Variants in LSAMP observed in about 807,000 individuals in gnomAD.
LSAMP encodes limbic system-associated membrane protein.
Under a neutral mutation model 38.6 loss-of-function variants are expected in LSAMP, and 7 were observed. The observed-to-expected ratio is 0.18, with a 90% CI of 0.10 to 0.34. The LOEUF (loss-of-function observed/expected upper bound fraction) is 0.34. Among genes scored for constraint, LSAMP ranks in the 10% least tolerant of loss-of-function variants. The pLI, the probability that LSAMP is intolerant of heterozygous loss-of-function variation, is 1.00. For missense variants in LSAMP, 313 were observed against 420.0 expected, an observed-to-expected ratio of 0.75 and a Z score of 2.23; for synonymous variants, 154 against 166.8, an observed-to-expected ratio of 0.92 and a Z score of 0.59.
chr3:116,338,401 C>T (rs2047950043), intron 1 of LSAMP, among the ~76,000 whole-genome samples: 1 of 152,016 alleles, frequency 6.6e-6, no homozygotes, highest in Non-Finnish European at 1.5e-5. Context: ...TTATCCTCCC[C>T]AGCTGTTCCT....
chr3:116,197,130 G>GACACACACACACACACACACACAC (rs10650049), intron 1 of LSAMP, among the ~76,000 whole-genome samples: 154 of 136,764 alleles, frequency 1.1e-3, no homozygotes, highest in African/African-American at 4.1e-3. Flanking sequence ...ATCCCACTCG[G>GACACACACACACACACACACACAC]ACACACACAC....
chr3:115,978,735 G>T (rs1411472752), intron 3 of LSAMP, among the ~76,000 whole-genome samples: 1 of 151,948 alleles, frequency 6.6e-6, no homozygotes, highest in Non-Finnish European at 1.5e-5. Flanking sequence ...GATAAAATGG[G>T]GGAAAAAATA....
intron 3 of LSAMP, among the ~76,000 whole-genome samples, chr3:115,881,846 C>T (rs1208974772): frequency 1.3e-5 from 2 of 152,074 alleles, no homozygotes; most frequent in African/African-American, 4.8e-5. Flanking sequence ...ATACCCAGTC[C>T]AGATTCCCTT....
chr3:116,202,731 T>C (rs1339756387), intron 1 of LSAMP, among the ~76,000 whole-genome samples: 1 of 152,110 alleles, frequency 6.6e-6, no homozygotes, highest in African/African-American at 2.4e-5. Context: ...AGCACCCTTT[T>C]TTTGGCTCAT....
chr3:116,106,461 T>C (rs1708470402), intron 1 of LSAMP, among the ~76,000 whole-genome samples: 1 of 152,188 alleles, frequency 6.6e-6, no homozygotes, highest in African/African-American at 2.4e-5. Flanking sequence ...AAATGGGCTG[T>C]ACCTTGTAGC....
intron 3 of LSAMP, among the ~76,000 whole-genome samples, chr3:115,905,453 C>G (rs537914405): frequency 6.6e-6 from 1 of 152,166 alleles, no homozygotes; most frequent in East Asian, 1.9e-4. Context: ...AGAGAACTAT[C>G]ATTATAAGCC....
intron 1 of LSAMP, among the ~76,000 whole-genome samples, chr3:116,306,015 G>C (rs923293326): frequency 3.3e-5 from 5 of 150,562 alleles, no homozygotes; most frequent in Admixed American, 6.6e-5. Context: ...ACATTTCTAA[G>C]CTTCAATGTG....
intron 1 of LSAMP, among the ~76,000 whole-genome samples, chr3:116,428,582 G>GT (rs2049235926): frequency 6.6e-6 from 1 of 152,262 alleles, no homozygotes; most frequent in African/African-American, 2.4e-5. Flanking sequence ...ATACATTTAT[G>GT]TTTGAGATAT....
At chr3:116,423,222 G>GA (rs371227606) in intron 1 of LSAMP, among the ~76,000 whole-genome samples, 6 of 151,836 alleles carry the variant, frequency 4.0e-5, no homozygotes, top group Admixed American at 2.0e-4. Context: ...TTTAAGAGGG[G>GA]AAAAAAAACT....
Position 116,444,893 on chromosome 3 carries a change from C to T in LSAMP, c.139G>A (p.Asp47Asn), listed in dbSNP as rs781594328. Residue 47 changes from aspartate to asparagine, a missense_variant, in exon 1 of 7, where the codon GAC becomes AAC. Transcript: ENST00000490035. ...AAGCCCTACCTGAGGATGGCTGTGT[C>T]CCCCTGCCTCACGGTGATGTTGTCC... is the stretch of plus-strand genomic sequence containing the variant. Reference protein sequence around the residue: ...GTDNITVRQGDTAILRCVVED... With the variant: ...GTDNITVRQGNTAILRCVVED... 2 of 1,614,092 alleles carry T rather than the reference C, an allele frequency of 1.2e-6. No individual in the cohort carries two copies. The highest frequency in any genetic ancestry group is 2.2e-5 in the South Asian group (2 of 91,078).
intron 1 of LSAMP, among the ~76,000 whole-genome samples, chr3:116,120,325 C>T (rs1222895230): frequency 6.6e-6 from 1 of 152,002 alleles, no homozygotes; most frequent in Admixed American, 6.6e-5. Context: ...ACAAATATTA[C>T]ATAGTGCCAA....
chr3:115,904,399 A>G (rs1936957481), intron 3 of LSAMP, among the ~76,000 whole-genome samples: 1 of 152,162 alleles, frequency 6.6e-6, no homozygotes, highest in African/African-American at 2.4e-5. Flanking sequence ...GTGGATACAA[A>G]TCTTCCCACA....
At position 116,313,978 on chromosome 3, in the gene LSAMP, G is replaced by A. The variant is rs554036227; in HGVS notation, c.155+130899C>T. Among the ~76,000 whole-genome samples, 15 of 152,256 alleles carry A rather than the reference G, an allele frequency of 9.9e-5. No homozygotes were observed. In the South Asian group the frequency reaches 2.7e-3, roughly 27 times the overall value. The stretch of plus-strand genomic sequence containing the variant: ...CAAAAACAAAAAACAAAATTGGACT[G>A]TACGAAGTCTTGTGTGAAGCACTTT... On this transcript the variant is annotated intron_variant, in intron 1 of 6. Coordinates refer to ENST00000490035, the MANE Select transcript of LSAMP (RefSeq NM_002338.5).
At chr3:116,352,814 G>A (rs1337589458) in intron 1 of LSAMP, among the ~76,000 whole-genome samples, 3 of 151,726 alleles carry the variant, frequency 2.0e-5, no homozygotes, top group Admixed American at 6.6e-5. Flanking sequence ...ACTTTTTTGG[G>A]GTGTCTTGCA....
intron 1 of LSAMP, among the ~76,000 whole-genome samples, chr3:116,108,588 G>A (rs1313596108): frequency 6.6e-6 from 1 of 152,146 alleles, no homozygotes; most frequent in African/African-American, 2.4e-5. Flanking sequence ...GTCTTCAGCC[G>A]CTAAGCCAAG....
At chr3:116,042,942 C>T (rs1229184492) in intron 2 of LSAMP, among the ~76,000 whole-genome samples, 1 of 152,162 alleles carries the variant, frequency 6.6e-6, no homozygotes. Flanking sequence ...TTTTATCGCT[C>T]AATCTATCCC....
chr3:116,222,535 C>A (rs1306708683), intron 1 of LSAMP, among the ~76,000 whole-genome samples: 2 of 151,742 alleles, frequency 1.3e-5, no homozygotes, highest in Admixed American at 6.6e-5. Context: ...GGTGTGAAGT[C>A]CGTAAAATAA....
At chr3:116,248,476 A>AGTGTGTGT (rs1559798607) in intron 1 of LSAMP, among the ~76,000 whole-genome samples, 3 of 102,804 alleles carry the variant, frequency 2.9e-5, no homozygotes, top group African/African-American at 1.4e-4. Context: ...CCCTGTCTCT[A>AGTGTGTGT]ATGTGTGTGT....
intron 3 of LSAMP, among the ~76,000 whole-genome samples, chr3:115,903,120 A>T (rs1321470157): frequency 2.0e-5 from 3 of 152,220 alleles, no homozygotes; most frequent in African/African-American, 7.2e-5. Context: ...GGATAAAGAA[A>T]ATATGGTACA....
Sources: allele counts gnomAD v4.1 joint callset (sites outside exome capture counted in the v4.1 genomes callset), GRCh38; gene constraint gnomAD v4.1.1; transcripts MANE v1.5; gene names NCBI Gene and HGNC (gene_info 2026-07-23, HGNC 2026-07-21).